The following RCN3 variants were observed in gnomAD, a reference collection of about 807,000 sequenced individuals.
RCN3 encodes reticulocalbin 3.
Under a neutral mutation model 35.9 loss-of-function variants are expected in RCN3, and 41 were observed. The ratio of observed to expected loss-of-function variants is 1.14; its 90% CI spans 0.89 to 1.48. RCN3 has a LOEUF of 1.48. Ranked by LOEUF, RCN3 falls within the 40% of genes most tolerant of loss-of-function variation. RCN3 has a pLI of 0.00. For synonymous variants in RCN3, 187 were observed against 193.4 expected (o/e 0.97, Z 0.27); for missense variants, 451 against 471.3 (o/e 0.96, Z 0.40).
chr19:49,532,257 C>T (rs908746576), intron 2 of RCN3, among the ~76,000 whole-genome samples: 1 of 149,420 alleles, frequency 6.7e-6, no homozygotes, highest in African/African-American at 2.5e-5. Context: ...AGGCACCTGC[C>T]ACCACGCCCG....
At chr19:49,543,035 C>T (rs555046983) in intron 6 of RCN3, 71 bp from the exon 7 acceptor site, 194 of 1,282,994 alleles carry the variant, frequency 1.5e-4, no homozygotes, top group Middle Eastern at 9.2e-4. Flanking sequence ...CTTCGGGACA[C>T]GCTTGGATGC....
At position 49,534,395 on chromosome 19, in the gene RCN3, G is replaced by A. The variant is rs2080125011; in HGVS notation, c.445G>A (p.Gly149Ser). 1 of 1,537,652 alleles carries A rather than the reference G, an allele frequency of 6.5e-7. No homozygotes were observed. The highest frequency in any genetic ancestry group is 1.4e-5 in the African/African-American group (1 of 72,090). The change falls in exon 3 of 7, where the codon GGT becomes AGT. Residue 149 changes from glycine to serine, a missense_variant and splice_region_variant. Transcript: ENST00000270645. ...RNATYGHYAP[G>S]EEFHDVEDAE... ...CGCCACCTATGGCCACTACGCGCCC[G>A]GTACGCGGCGAGCCCCCGACCCTGC...
chr19:49,528,734 G>A lies in RCN3; in HGVS notation c.242+20G>A. 1 of 1,553,046 alleles carries A rather than the reference G, an allele frequency of 6.4e-7. No individual in the cohort carries two copies. Among genetic ancestry groups the A allele is most frequent in the Non-Finnish European group, 8.7e-7 (1 of 1,146,890 alleles). On this transcript the variant is annotated intron_variant, in intron 2 of 6. Transcript: ENST00000270645. ...TCTGGGGTAAGAGAGACATTCGGTT[G>A]GGGCGTGTCCAGAGGTGGGGCTTAG... is the stretch of plus-strand genomic sequence containing the variant.
In RCN3 at chr19:49,543,616, T is replaced by C. The variant is rs1475004676; in HGVS notation, c.*403T>C. 1 of 203,598 alleles carries C rather than the reference T, an allele frequency of 4.9e-6. No individual in the cohort carries two copies. Among genetic ancestry groups the C allele is most frequent in the African/African-American group, 2.3e-5 (1 of 43,190 alleles). 12.6% of individuals were successfully genotyped at this position (203,598 alleles called of 1,614,324 possible). ...ACACCTCCTCTCTGCCAGGAGGCAA[T>C]AAAAGCCAGCGCCGGGACCTTGTGT... On this transcript the variant is annotated 3_prime_UTR_variant, in exon 7 of 7. Transcript: ENST00000270645.
intron 2 of RCN3, among the ~76,000 whole-genome samples, chr19:49,530,844 G>A (rs73582456): frequency 0.092 from 14,025 of 152,236 alleles, 779 homozygotes; most frequent in African/African-American, 0.15. Context: ...CCATGAGAAG[G>A]TGGTATGTGG....
chr19:49,534,274 C>T lies in RCN3; in HGVS notation c.324C>T (p.His108=), dbSNP rs913364301. ...SLAELRAWIA[H]TQQRHIRDSV... ...CCGAGCTTCGCGCGTGGATCGCGCACACGCAGCAGCGGCACATACGGGACT... is the reference window on the plus strand; with the variant it reads ...CCGAGCTTCGCGCGTGGATCGCGCATACGCAGCAGCGGCACATACGGGACT... Residue 108 remains histidine, a synonymous_variant, in exon 3 of 7, where the codon CAC becomes CAT. Coordinates refer to ENST00000270645, the MANE Select transcript of RCN3 (RefSeq NM_020650.3). The T allele has an allele frequency of 2.7e-6, 4 of 1,461,630 alleles. No homozygotes were observed. Among genetic ancestry groups the T allele is most frequent in the Middle Eastern group, 1.8e-4 (1 of 5,482 alleles). 90.5% of individuals were successfully genotyped at this position (1,461,630 alleles called of 1,614,324 possible).
rs140823878 is a variant in RCN3 at position 49,528,029 on chromosome 19, G to A, written c.-36G>A. On this transcript the variant is annotated 5_prime_UTR_variant, in exon 1 of 7. The change creates a new upstream start codon in the 5' untranslated region. Coordinates refer to ENST00000270645, the MANE Select transcript of RCN3 (RefSeq NM_020650.3). ...CATTTGCGGGAACGCAGAGCGGAGC[G>A]TGGAGAGCGGAGCGAAGCTGGATAA... is the stretch of plus-strand genomic sequence containing the variant. 6.7e-4 allele frequency: 109 copies of A among 161,644 alleles called. No individual in the cohort carries two copies. In the East Asian group the frequency reaches 0.018, roughly 27 times the overall value. The allele number at this position is 161,644 out of a possible 1,614,324, so 10.0% of individuals were successfully genotyped here. A position where few individuals can be genotyped will look rare whatever the true frequency, so the allele number is the denominator to read the frequency against.
chr19:49,541,990 A>C (rs1056106404), intron 5 of RCN3, among the ~76,000 whole-genome samples: 5 of 151,634 alleles, frequency 3.3e-5, no homozygotes, highest in African/African-American at 9.7e-5. Flanking sequence ...TAAAAAAAAA[A>C]AGGGGGTGGG....
intron 2 of RCN3, 118 bp from the exon 3 acceptor site, chr19:49,534,075 G>T: frequency 1.9e-6 from 2 of 1,060,750 alleles, no homozygotes; most frequent in Admixed American, 3.6e-5. Context: ...GTTAGCCCGC[G>T]GACCGTGGAC....
chr19:49,542,836 G>T (rs1269174508), intron 6 of RCN3, 84 bp downstream of exon 6: 1 of 1,286,450 alleles, frequency 7.8e-7, no homozygotes, highest in African/African-American at 1.5e-5. Flanking sequence ...CCTGGGCCTG[G>T]AGCTCAGGGT....
chr19:49,536,858 A>C (rs1225114117), intron 3 of RCN3, among the ~76,000 whole-genome samples, 175 bp from the exon 4 acceptor site: 1 of 151,740 alleles, frequency 6.6e-6, no homozygotes, highest in East Asian at 1.9e-4. Flanking sequence ...TGCCAGCTTC[A>C]GCCTCCCAAA....
chr19:49,530,755 C>G (rs999643270), intron 2 of RCN3, among the ~76,000 whole-genome samples: 4 of 152,166 alleles, frequency 2.6e-5, no homozygotes, highest in African/African-American at 9.7e-5. Flanking sequence ...CTCGGCCTCC[C>G]GAAGTGCTGG....
chr19:49,535,991 CTTT>C (rs201951393), intron 3 of RCN3, among the ~76,000 whole-genome samples: 1 of 140,282 alleles, frequency 7.1e-6, no homozygotes, highest in African/African-American at 2.6e-5. Context: ...TCAATATATG[CTTT>C]TTTTTTTTTG....
chr19:49,532,649 C>T (rs1179563222), intron 2 of RCN3, among the ~76,000 whole-genome samples: 3 of 151,936 alleles, frequency 2.0e-5, no homozygotes, highest in Non-Finnish European at 4.4e-5. Context: ...GCTGGGATTA[C>T]AGGCGTGAGC....
rs375825706 is a variant in RCN3, at chr19:49,542,745, C to T, written c.872C>T (p.Thr291Met). ...AACCACCTGCTGCACGAGAGCGACA[C>T]GGACAAGGTGCAGTGACGGGGCCTC... ...EANHLLHESD[T>M]DKDGRLSKAE... Residue 291 changes from threonine to methionine, a missense_variant, in exon 6 of 7, where the codon ACG (threonine) becomes ATG (methionine). By Grantham distance (81) the Thr-to-Met change is moderately conservative. Coordinates refer to ENST00000270645, the MANE Select transcript of RCN3 (RefSeq NM_020650.3). The T allele has an allele frequency of 1.7e-4, 263 of 1,586,186 alleles. No homozygotes were observed. In the Middle Eastern group the frequency reaches 4.3e-3, roughly 26 times the overall value.
rs2080150964 is a variant in RCN3, at chr19:49,539,131, G to C, written c.631G>C (p.Asp211His). The part of the protein sequence containing the change: ...RDIVIAETLE[D>H]LDRNKDGYVQ... ...CTTTCTCCTCCAGGAAACCCTGGAG[G>C]ACCTGGACAGAAACAAAGATGGCTA... is the stretch of plus-strand genomic sequence containing the variant. Residue 211 changes from aspartate to histidine, a missense_variant, in exon 5 of 7, where the codon GAC becomes CAC. Coordinates refer to ENST00000270645, the MANE Select transcript of RCN3 (RefSeq NM_020650.3). The C allele has an allele frequency of 1.2e-6, 2 of 1,607,704 alleles. No homozygotes were observed. The highest frequency in any genetic ancestry group is 1.7e-6 in the Non-Finnish European group (2 of 1,177,752).
intron 3 of RCN3, 68 bp downstream of exon 3, chr19:49,534,463 T>G: frequency 6.7e-7 from 1 of 1,490,634 alleles, no homozygotes. Flanking sequence ...CGCCTCATTC[T>G]GAGAACCCTG....
Position 49,542,770 on chromosome 19 carries a change from C to T in RCN3, c.879+18C>T, listed in dbSNP as rs372795358. ...CGGACAAGGTGCAGTGACGGGGCCT[C>T]GGCAGGAGCGAGGAGCGGGTGGGCA... On this transcript the variant is annotated intron_variant, in intron 6 of 6. Coordinates refer to ENST00000270645, the MANE Select transcript of RCN3 (RefSeq NM_020650.3). 16 of 1,563,550 alleles carry T rather than the reference C, an allele frequency of 1.0e-5. No homozygotes were observed. Among genetic ancestry groups the T allele is most frequent in the African/African-American group, 1.3e-5 (1 of 74,356 alleles).
At chr19:49,537,246 G>T in intron 4 of RCN3, 41 bp downstream of exon 4, 1 of 1,417,596 alleles carries the variant, frequency 7.1e-7, no homozygotes, top group South Asian at 1.6e-5. Context: ...ACACCCTTCC[G>T]GGGACCCAGG....
Sources: gnomAD v4.1 joint callset for allele counts (sites outside exome capture counted in the v4.1 genomes callset) on GRCh38, gnomAD v4.1.1 for gene constraint, MANE v1.5 for transcripts, NCBI Gene and HGNC (gene_info 2026-07-23, HGNC 2026-07-21) for gene names.